RBFOX1: variants seen among roughly 807,000 people sequenced by gnomAD.
The protein encoded by RBFOX1 is RNA binding protein fox-1 homolog 1.
RBFOX1 carries 8 observed loss-of-function variants against 57.7 expected under a neutral mutation model. The observed-to-expected ratio is 0.14, with a 90% CI of 0.08 to 0.25. The LOEUF is 0.25. Ranked by LOEUF, RBFOX1 falls within the 10% of genes least tolerant of loss-of-function variation. The pLI is 1.00. For synonymous variants in RBFOX1, 326 were observed against 222.4 expected, an observed-to-expected ratio of 1.47 and a Z score of -4.15; for missense variants, 611 against 548.5, an observed-to-expected ratio of 1.11 and a Z score of -1.14.
chr16:5,314,082 C>G (rs149634588), intron 1 of RBFOX1, among the ~76,000 whole-genome samples: 1 of 152,314 alleles, frequency 6.6e-6, no homozygotes, highest in East Asian at 1.9e-4. Flanking sequence ...GCAGCACTTT[C>G]CAAGTTTTAT....
At position 6,670,920 on chromosome 16, in the gene RBFOX1, A is replaced by T. The variant is rs2098760469; in HGVS notation, c.-16+16270A>T. 2.0e-5 allele frequency among the ~76,000 whole-genome samples: 3 copies of T among 152,116 alleles called. 1 individual carries two copies. The South Asian group carries it at 6.2e-4, about 32-fold the overall frequency. Reference sequence around the variant, plus strand: ...GAGGCTGAGGCAGGAGAGAGGCGTGAACCCAGGAGGCGGAGCTTGCAGCGA... The same window carrying T: ...GAGGCTGAGGCAGGAGAGAGGCGTGTACCCAGGAGGCGGAGCTTGCAGCGA... On this transcript the variant is annotated intron_variant, in intron 3 of 15. Transcript: ENST00000550418.
At chr16:7,296,297 G>C (rs1016459155) in intron 4 of RBFOX1, among the ~76,000 whole-genome samples, 8 of 122,428 alleles carry the variant, frequency 6.5e-5, no homozygotes, top group Non-Finnish European at 1.0e-4. Context: ...GTAAAATGCT[G>C]TTTCTTTTAT....
chr16:6,359,605 C>T (rs915866730), intron 2 of RBFOX1, among the ~76,000 whole-genome samples: 2 of 152,170 alleles, frequency 1.3e-5, no homozygotes, highest in South Asian at 2.1e-4. Flanking sequence ...CAGGAAAAAG[C>T]ACTTGAACCA....
chr16:7,323,282 G>C (rs946236797), intron 4 of RBFOX1, among the ~76,000 whole-genome samples: 1 of 152,126 alleles, frequency 6.6e-6, no homozygotes, highest in African/African-American at 2.4e-5. Context: ...AAAATTGCCA[G>C]ACGTGCTGGT....
chr16:6,635,791 C>A (rs137945546), intron 2 of RBFOX1, among the ~76,000 whole-genome samples: 1 of 152,136 alleles, frequency 6.6e-6, no homozygotes, highest in Non-Finnish European at 1.5e-5. Flanking sequence ...CTTGACCAGT[C>A]AGTCTTAGGG....
chr16:5,756,244 A>AAAAAC (rs1567498126), intron 3 of RBFOX1, among the ~76,000 whole-genome samples: 4 of 151,004 alleles, frequency 2.6e-5, no homozygotes. Context: ...AAAAAAAAAA[A>AAAAAC]AAAACCCTGC....
chr16:5,976,824 A>G (rs752371772), intron 4 of RBFOX1, among the ~76,000 whole-genome samples: 1 of 152,178 alleles, frequency 6.6e-6, no homozygotes, highest in Non-Finnish European at 1.5e-5. Context: ...AGCCAAAATC[A>G]TGCCACTGCA....
intron 4 of RBFOX1, among the ~76,000 whole-genome samples, chr16:7,295,905 G>C (rs193067406): frequency 6.6e-6 from 1 of 152,186 alleles, no homozygotes; most frequent in Non-Finnish European, 1.5e-5. Context: ...TGTGGTTCAG[G>C]AAACTCAGAA....
intron 4 of RBFOX1, among the ~76,000 whole-genome samples, chr16:7,072,490 A>T (rs114332296): frequency 2.0e-5 from 3 of 152,200 alleles, no homozygotes; most frequent in African/African-American, 7.2e-5. Context: ...TGCCTATAAC[A>T]TAGTAGAAAC....
At chr16:7,184,688 G>T (rs1268676012) in intron 4 of RBFOX1, among the ~76,000 whole-genome samples, 1 of 152,156 alleles carries the variant, frequency 6.6e-6, no homozygotes, top group Non-Finnish European at 1.5e-5. Flanking sequence ...CCCCAAACCT[G>T]ATTATGAGCT....
chr16:6,204,682 G>T (rs1388122446), intron 1 of RBFOX1, among the ~76,000 whole-genome samples: 3 of 152,132 alleles, frequency 2.0e-5, no homozygotes, highest in Non-Finnish European at 4.4e-5. Context: ...GTAAAGAAAA[G>T]CTGATCAAAT....
At position 6,233,022 on chromosome 16, in the gene RBFOX1, C is replaced by T. The variant is rs192827718; in HGVS notation, c.-126-83973C>T. ...GCGCCATTCCCATTGAATTCTACAT[C>T]GTCTGCTCATCACTATGTAGGCCCC... On this transcript the variant is annotated intron_variant, in intron 1 of 15. Coordinates refer to ENST00000550418, the MANE Select transcript of RBFOX1 (RefSeq NM_018723.4). Among the ~76,000 whole-genome samples the T allele has an allele frequency of 1.8e-4, 27 of 152,228 alleles. No homozygotes were observed. The South Asian group carries it at 4.6e-3, about 26-fold the overall frequency.
intron 3 of RBFOX1, among the ~76,000 whole-genome samples, chr16:6,940,785 T>C (rs2078260604): frequency 9.0e-6 from 1 of 111,444 alleles, no homozygotes; most frequent in African/African-American, 2.8e-5. Context: ...TGTGTGTGTG[T>C]GTGTGTGTGT....
At chr16:5,669,577 G>A (rs2049955625) in intron 3 of RBFOX1, among the ~76,000 whole-genome samples, 2 of 152,108 alleles carry the variant, frequency 1.3e-5, no homozygotes, top group African/African-American at 2.4e-5. Flanking sequence ...GCACCACCAT[G>A]GCTAGCTAAT....
intron 2 of RBFOX1, among the ~76,000 whole-genome samples, chr16:6,347,376 A>G (rs1289031175): frequency 2.0e-5 from 3 of 152,206 alleles, no homozygotes; most frequent in Non-Finnish European, 4.4e-5. Flanking sequence ...ACAGCTGTGA[A>G]CAAACAGGCA....
intron 4 of RBFOX1, among the ~76,000 whole-genome samples, chr16:5,990,246 C>T (rs1196531032): frequency 1.3e-5 from 2 of 152,130 alleles, no homozygotes; most frequent in Admixed American, 6.5e-5. Context: ...CCACTTTGGC[C>T]TCCCAAATTG....
intron 4 of RBFOX1, among the ~76,000 whole-genome samples, chr16:7,121,495 G>C (rs888883906): frequency 3.3e-5 from 5 of 151,906 alleles, no homozygotes; most frequent in African/African-American, 1.2e-4. Context: ...GCAATACTTA[G>C]CTATAAATAT....
At chr16:7,167,858 G>C (rs968195329) in intron 4 of RBFOX1, among the ~76,000 whole-genome samples, 3 of 18,668 alleles carry the variant, frequency 1.6e-4, no homozygotes, top group African/African-American at 5.4e-4. Flanking sequence ...TTACTATCTG[G>C]CCCTCTGCGA....
intron 1 of RBFOX1, among the ~76,000 whole-genome samples, chr16:5,349,418 A>T (rs1281514800): frequency 6.6e-6 from 1 of 152,194 alleles, no homozygotes; most frequent in Non-Finnish European, 1.5e-5. Flanking sequence ...TCAAGCCTGT[A>T]ATCCCAGCAC....
Sources: gnomAD v4.1 joint callset for allele counts (sites outside exome capture counted in the v4.1 genomes callset) on GRCh38, gnomAD v4.1.1 for gene constraint, MANE v1.5 for transcripts, NCBI Gene and HGNC (gene_info 2026-07-23, HGNC 2026-07-21) for gene names.